NFX1: variants seen among roughly 807,000 people sequenced by gnomAD.
NFX1 encodes transcriptional repressor NF-X1.
Under a neutral mutation model 137.2 loss-of-function variants are expected in NFX1, and 69 were observed. The observed-to-expected ratio is 0.50, with a 90% CI of 0.41 to 0.61. The LOEUF (loss-of-function observed/expected upper bound fraction) is 0.61. Among genes scored for constraint, NFX1 ranks in the 20% least tolerant of loss-of-function variants. The pLI, the probability that NFX1 is intolerant of heterozygous loss-of-function variation, is 0.00. For missense variants in NFX1, 1,167 were observed against 1,391.0 expected (o/e 0.84, Z 2.56); for synonymous variants, 495 against 474.1 (o/e 1.04, Z -0.57).
At chr9:33,348,174 C>G (rs1289754225) in intron 15 of NFX1, 1 of 135,230 alleles carries the variant, frequency 7.4e-6, no homozygotes, top group Non-Finnish European at 1.7e-5. Flanking sequence ...CAAGGTGAGA[C>G]CCCCCCCATC....
intron 21 of NFX1, 68 bp from the exon 22 acceptor site, chr9:33,366,561 A>G: frequency 1.3e-6 from 2 of 1,567,728 alleles, no homozygotes; most frequent in Non-Finnish European, 1.7e-6. Context: ...CTTGTGTGGT[A>G]AGATTAGTTG....
At chr9:33,317,809 C>T (rs1422946500) in intron 7 of NFX1, among the ~76,000 whole-genome samples, 2 of 151,622 alleles carry the variant, frequency 1.3e-5, no homozygotes, top group African/African-American at 4.8e-5. Flanking sequence ...AACTCCATCT[C>T]TCCTAAAAAT....
At position 33,344,017 on chromosome 9, in the gene NFX1, G is replaced by A. The variant is rs1823319994; in HGVS notation, c.2225-52G>A. The A allele has an allele frequency of 2.5e-6, 4 of 1,610,700 alleles. No homozygotes were observed. In the East Asian group the frequency reaches 6.7e-5, roughly 27 times the overall value. On this transcript the variant is annotated intron_variant, in intron 13 of 23. Coordinates refer to ENST00000379540, the MANE Select transcript of NFX1 (RefSeq NM_002504.6). The stretch of plus-strand genomic sequence containing the variant: ...TGTTTGTGTGTGTTAGTATGTACTT[G>A]CACATCCCAAACTCAGAAAGGATTC...
chr9:33,337,688 T>C (rs534435151), intron 11 of NFX1, among the ~76,000 whole-genome samples: 4 of 152,276 alleles, frequency 2.6e-5, no homozygotes, highest in African/African-American at 9.6e-5. Context: ...ATGTTAATGC[T>C]ACTGCACTCC....
At chr9:33,299,027 G>A (rs1258623417) in intron 2 of NFX1, among the ~76,000 whole-genome samples, 1 of 152,148 alleles carries the variant, frequency 6.6e-6, no homozygotes, top group African/African-American at 2.4e-5. Flanking sequence ...TAGAGAAAAA[G>A]GTGTTTGTCT....
At chr9:33,314,935 T>TG (rs1166503874) in intron 7 of NFX1, among the ~76,000 whole-genome samples, 3 of 152,264 alleles carry the variant, frequency 2.0e-5, no homozygotes, top group African/African-American at 7.2e-5. Flanking sequence ...TGTACATCAA[T>TG]GGGAAAAAAA....
chr9:33,352,302 C>T, intron 16 of NFX1: 3 of 444,082 alleles, frequency 6.8e-6, no homozygotes, highest in Non-Finnish European at 1.3e-5. Context: ...AGTGTGGCCA[C>T]CTTGAGGATG....
At chr9:33,322,055 G>A (rs564665266) in intron 9 of NFX1, among the ~76,000 whole-genome samples, 1 of 150,828 alleles carries the variant, frequency 6.6e-6, no homozygotes, top group African/African-American at 2.4e-5. Flanking sequence ...ACAAAAATTA[G>A]CCAGGCATGG....
At chr9:33,354,566 A>G (rs150163214) in intron 18 of NFX1, among the ~76,000 whole-genome samples, 1 of 152,084 alleles carries the variant, frequency 6.6e-6, no homozygotes, top group East Asian at 1.9e-4. Flanking sequence ...CCACTGGAGG[A>G]CTCCTAGACC....
At chr9:33,329,644 CTT>C (rs58553141) in intron 10 of NFX1, among the ~76,000 whole-genome samples, 96 of 146,302 alleles carry the variant, frequency 6.6e-4, no homozygotes, top group South Asian at 8.6e-4. Flanking sequence ...TTTTATTTTT[CTT>C]TTTTTTTTTT....
intron 20 of NFX1, 46 bp from the exon 21 acceptor site, chr9:33,364,662 A>G (rs754975530): frequency 6.3e-7 from 1 of 1,589,576 alleles, no homozygotes; most frequent in Non-Finnish European, 8.6e-7. Flanking sequence ...AGGGGTTCTC[A>G]GAAGGGCAGG....
chr9:33,326,887 G>A (rs76169423), intron 9 of NFX1, among the ~76,000 whole-genome samples: 1,824 of 152,268 alleles, frequency 0.012, 42 homozygotes, highest in African/African-American at 0.038. Context: ...AGCTGTGTAA[G>A]GGTAAACCTT....
At chr9:33,322,868 G>C (rs1218086378) in intron 9 of NFX1, among the ~76,000 whole-genome samples, 1 of 152,226 alleles carries the variant, frequency 6.6e-6, no homozygotes, top group Non-Finnish European at 1.5e-5. Flanking sequence ...TAACTAAACT[G>C]TAGGCCATCT....
chr9:33,364,653 G>C (rs1164456391), intron 20 of NFX1, 55 bp from the exon 21 acceptor site: 2 of 1,578,686 alleles, frequency 1.3e-6, no homozygotes, highest in Non-Finnish European at 1.7e-6. Flanking sequence ...ATGGGTGAAA[G>C]GGGTTCTCAG....
intron 10 of NFX1, 92 bp downstream of exon 10, chr9:33,328,770 A>G (rs1027557301): frequency 1.1e-5 from 11 of 1,046,308 alleles, no homozygotes; most frequent in Non-Finnish European, 1.5e-5. Flanking sequence ...ACCTCAGTAG[A>G]TTAGGTATGG....
At chr9:33,290,698 C>A in intron 1 of NFX1, 101 bp downstream of exon 1, 2 of 1,167,424 alleles carry the variant, frequency 1.7e-6, no homozygotes, top group Non-Finnish European at 2.4e-6. Context: ...GCGAGAGTAG[C>A]ACATGCTAGG....
At chr9:33,303,163 T>C (rs1469686709) in intron 3 of NFX1, 28 bp from the exon 4 acceptor site, 22 of 1,597,428 alleles carry the variant, frequency 1.4e-5, no homozygotes, top group Non-Finnish European at 1.7e-5. Context: ...AGAAAATTTA[T>C]TTGGCCTACT....
At chr9:33,345,763 C>T (rs891949606) in intron 14 of NFX1, among the ~76,000 whole-genome samples, 8 of 152,106 alleles carry the variant, frequency 5.3e-5, no homozygotes, top group Admixed American at 1.3e-4. Context: ...ATGGATGGGC[C>T]ATAACTTATT....
At chr9:33,294,250 C>T (rs892257767) in intron 1 of NFX1, among the ~76,000 whole-genome samples, 170 bp from the exon 2 acceptor site, 1 of 152,166 alleles carries the variant, frequency 6.6e-6, no homozygotes, top group African/African-American at 2.4e-5. Flanking sequence ...TTGATTAGTC[C>T]TCCACAAGCA....
Sources: gnomAD v4.1 joint callset for allele counts (sites outside exome capture counted in the v4.1 genomes callset) on GRCh38, gnomAD v4.1.1 for gene constraint, MANE v1.5 for transcripts, NCBI Gene and HGNC (gene_info 2026-07-23, HGNC 2026-07-21) for gene names.